The following SV2B variants were observed in gnomAD, a reference collection of about 807,000 sequenced individuals.
SV2B encodes solute carrier family 22 member B2.
SV2B carries 41 observed loss-of-function variants against 73.9 expected under a neutral mutation model. The observed-to-expected ratio is 0.56, with a 90% CI of 0.43 to 0.72. The LOEUF (loss-of-function observed/expected upper bound fraction) is 0.72. Ranked by LOEUF, SV2B falls within the 30% of genes least tolerant of loss-of-function variation. The pLI, the probability that SV2B is intolerant of heterozygous loss-of-function variation, is 0.00. For synonymous variants in SV2B, 314 were observed against 314.2 expected (o/e 1.00, Z 0.01); for missense variants, 764 against 857.8 (o/e 0.89, Z 1.37).
intron 1 of SV2B, among the ~76,000 whole-genome samples, chr15:91,191,068 T>TTTTTTTTTTTTTTG (rs2045002264): frequency 8.5e-6 from 1 of 118,232 alleles, no homozygotes; most frequent in Non-Finnish European, 1.6e-5. Context: ...TGTTTCTTTT[T>TTTTTTTTTTTTTTG]TTTTTTTTTT....
At chr15:91,165,007 G>A (rs994652) in intron 1 of SV2B, among the ~76,000 whole-genome samples, 51,709 of 152,000 alleles carry the variant, frequency 0.34, 9,679 homozygotes, top group East Asian at 0.64. Context: ...TATCTTTGGC[G>A]TCTGCATCTG....
intron 1 of SV2B, among the ~76,000 whole-genome samples, chr15:91,117,339 A>G (rs1380514134): frequency 1.3e-5 from 2 of 152,278 alleles, no homozygotes; most frequent in Non-Finnish European, 2.9e-5. Flanking sequence ...TAAAGGAGAC[A>G]ATACAGTGCT....
chr15:91,260,443 G>C, intron 6 of SV2B, 34 bp downstream of exon 6: 1 of 1,523,326 alleles, frequency 6.6e-7, no homozygotes, highest in Admixed American at 2.0e-5. Flanking sequence ...TAAGAAGGGG[G>C]TTCTCCTCTT....
chr15:91,158,633 C>CCTTTTCTCTTCTCTT (rs767357230), intron 1 of SV2B, among the ~76,000 whole-genome samples: 1,198 of 54,230 alleles, frequency 0.022, 259 homozygotes, highest in Middle Eastern at 0.052. Context: ...TTTTATTTTC[C>CCTTTTCTCTTCTCTT]CTCTTCTCTT....
At position 91,301,733 on chromosome 15, in the gene SV2B, G is replaced by A. The variant is rs920668372; in HGVS notation, c.*9181G>A. On this transcript the variant is annotated 3_prime_UTR_variant, in exon 13 of 13. Transcript: ENST00000394232. This position sits in a 1 kb window ranked among gnomAD's most constrained non-coding sequence, Gnocchi z 4.3. ...GGGACCAGAAGTGTTCTGGATTTCC[G>A]GTTTTAAAAGATTTTGGGATATTGG... Among the ~76,000 whole-genome samples the A allele has an allele frequency of 3.3e-5, 5 of 152,114 alleles. No individual in the cohort carries two copies. The highest frequency in any genetic ancestry group is 1.2e-4 in the African/African-American group (5 of 41,428).
intron 9 of SV2B, among the ~76,000 whole-genome samples, chr15:91,276,181 T>C (rs1181059813): frequency 6.6e-6 from 1 of 152,008 alleles, no homozygotes; most frequent in Middle Eastern, 3.2e-3. Flanking sequence ...TTTTTTTGTA[T>C]GTAACATGAT....
intron 11 of SV2B, among the ~76,000 whole-genome samples, chr15:91,287,962 T>G (rs1228141247): frequency 6.6e-6 from 1 of 152,108 alleles, no homozygotes; most frequent in African/African-American, 2.4e-5. Context: ...CTTGGAGGGA[T>G]GCAGACATTG....
At chr15:91,199,622 C>G (rs771492414) in intron 1 of SV2B, among the ~76,000 whole-genome samples, 1 of 152,142 alleles carries the variant, frequency 6.6e-6, no homozygotes, top group Non-Finnish European at 1.5e-5. Flanking sequence ...TGCATTTGTT[C>G]CCAGGCCTGT....
intron 1 of SV2B, among the ~76,000 whole-genome samples, chr15:91,205,889 T>C (rs549743946): frequency 2.0e-5 from 3 of 152,198 alleles, no homozygotes; most frequent in African/African-American, 4.8e-5. Flanking sequence ...AGTCACGCAC[T>C]GGAGGAGAAA....
rs369064744 is a variant in SV2B at position 91,267,504 on chromosome 15, C to G, written c.1120-51C>G. ...AGTAATGAGCTCTTCGTGGGAGAAA[C>G]AAAGTCACACATTGCTTTCTTTAAC... On this transcript the variant is annotated intron_variant, in intron 7 of 12. Coordinates refer to ENST00000394232, the MANE Select transcript of SV2B (RefSeq NM_001323032.3). This position sits in a 1 kb window ranked among gnomAD's most constrained non-coding sequence, Gnocchi z 4.3. The G allele has an allele frequency of 1.5e-5, 23 of 1,505,158 alleles. No homozygotes were observed. In the African/African-American group the frequency reaches 3.0e-4, roughly 20 times the overall value. The allele number at this position is 1,505,158 out of a possible 1,614,324, so 93.2% of individuals were successfully genotyped here.
intron 1 of SV2B, among the ~76,000 whole-genome samples, chr15:91,219,969 T>G (rs892419252): frequency 4.6e-5 from 7 of 152,262 alleles, no homozygotes; most frequent in Non-Finnish European, 1.5e-5. Context: ...TCTTTTTTAT[T>G]GCTAATCAGT....
intron 1 of SV2B, among the ~76,000 whole-genome samples, chr15:91,156,021 G>A (rs748613134): frequency 2.6e-5 from 4 of 151,922 alleles, no homozygotes; most frequent in Non-Finnish European, 5.9e-5. Context: ...TAAATTTCAG[G>A]CAGAGGGGTT....
chr15:91,130,079 C>T lies in SV2B; in HGVS notation c.-392+29716C>T, dbSNP rs1013997174. Among the ~76,000 whole-genome samples the T allele has an allele frequency of 6.6e-6, 1 of 152,160 alleles. No individual in the cohort carries two copies. Among genetic ancestry groups the T allele is most frequent in the Non-Finnish European group, 1.5e-5 (1 of 68,034 alleles). On this transcript the variant is annotated intron_variant, in intron 1 of 12. Transcript: ENST00000394232. This position sits in a 1 kb window ranked among gnomAD's most constrained non-coding sequence, Gnocchi z 5.6. ...GGGCAGCTGTGGCCAGCATGCAGGT[C>T]AGGCGTGCCAAGGCCTGAACCTGAA...
In SV2B at chr15:91,100,986, G is replaced by A. The variant is rs1055159371; in HGVS notation, c.-392+623G>A. 1.3e-5 allele frequency among the ~76,000 whole-genome samples: 2 copies of A among 152,232 alleles called. No individual in the cohort carries two copies. The highest frequency in any genetic ancestry group is 2.1e-4 in the South Asian group (1 of 4,832). On this transcript the variant is annotated intron_variant, in intron 1 of 12. Coordinates refer to ENST00000394232, the MANE Select transcript of SV2B (RefSeq NM_001323032.3). The surrounding 1 kb of genome is among the most constrained non-coding windows in gnomAD (Gnocchi z 6.4). ...TTTAGCCAGGGAGGAGCAAGGCACC[G>A]CTGTGTCTTCGGCAGACGGGTGGTA...
Position 91,251,949 on chromosome 15 carries a change from C to A in SV2B, c.582C>A (p.Phe194Leu). ...VNASFASLSS[F>L]VQGYGAFLFC... ...CCTCCTTCGCCTCCCTCTCTTCCTT[C>A]GTGCAGGGATATGGAGCCTTCCTCT... Residue 194 changes from phenylalanine to leucine, a missense_variant, in exon 3 of 13, where the codon TTC becomes TTA. Coordinates refer to ENST00000394232, the MANE Select transcript of SV2B (RefSeq NM_001323032.3). The A allele has an allele frequency of 6.2e-7, 1 of 1,614,090 alleles. No individual in the cohort carries two copies. The highest frequency in any genetic ancestry group is 1.7e-5 in the Admixed American group (1 of 60,020).
intron 1 of SV2B, among the ~76,000 whole-genome samples, chr15:91,173,230 T>C (rs1209989222): frequency 2.0e-5 from 3 of 151,786 alleles, no homozygotes; most frequent in African/African-American, 7.3e-5. Flanking sequence ...ACGAGCGCGG[T>C]GTGTCTGAAC....
intron 1 of SV2B, among the ~76,000 whole-genome samples, chr15:91,160,056 T>C (rs11855328): frequency 0.39 from 59,510 of 151,970 alleles, 12,156 homozygotes; most frequent in East Asian, 0.7. Flanking sequence ...TACAGAAGGA[T>C]TAAATGTTCC....
At chr15:91,162,393 T>G (rs1278825619) in intron 1 of SV2B, among the ~76,000 whole-genome samples, 1 of 152,230 alleles carries the variant, frequency 6.6e-6, no homozygotes, top group African/African-American at 2.4e-5. Flanking sequence ...ATCAAAATAA[T>G]AGCAAAAAAT....
At chr15:91,202,083 T>C (rs1376731187) in intron 1 of SV2B, among the ~76,000 whole-genome samples, 3 of 152,204 alleles carry the variant, frequency 2.0e-5, no homozygotes, top group African/African-American at 7.2e-5. Context: ...TTCTCTTCTT[T>C]ACTCAAATGT....
Sources: allele counts gnomAD v4.1 joint callset (sites outside exome capture counted in the v4.1 genomes callset), GRCh38; gene constraint gnomAD v4.1.1; non-coding constraint Gnocchi (gnomAD v3.1); transcripts MANE v1.5; gene names NCBI Gene and HGNC (gene_info 2026-07-23, HGNC 2026-07-21).